The following TMEM163 variants were observed in gnomAD, a reference collection of about 807,000 sequenced individuals.
The protein encoded by TMEM163 is transmembrane protein 163.
Under a neutral mutation model 29.3 loss-of-function variants are expected in TMEM163, and 17 were observed. The ratio of observed to expected loss-of-function variants is 0.58; its 90% CI spans 0.40 to 0.87. The LOEUF is 0.87. TMEM163 is among the 40% of genes least tolerant of loss of function. TMEM163 has a pLI of 0.00. For synonymous variants in TMEM163, 157 were observed against 160.6 expected (o/e 0.98, Z 0.17); for missense variants, 303 against 381.5 (o/e 0.79, Z 1.71).
intron 2 of TMEM163, among the ~76,000 whole-genome samples, chr2:134,658,285 G>A (rs1683666528): frequency 6.6e-6 from 1 of 152,130 alleles, no homozygotes; most frequent in African/African-American, 2.4e-5. Context: ...ACAGCTCAAA[G>A]GTCACAAAAA....
intron 4 of TMEM163, among the ~76,000 whole-genome samples, chr2:134,519,794 G>T (rs1281427638): frequency 2.0e-5 from 3 of 151,502 alleles, no homozygotes; most frequent in African/African-American, 7.3e-5. Context: ...AGACGCTGAG[G>T]CAGGAGAATC....
At chr2:134,653,867 T>C (rs1683539194) in intron 2 of TMEM163, among the ~76,000 whole-genome samples, 1 of 126,218 alleles carries the variant, frequency 7.9e-6, no homozygotes, top group Non-Finnish European at 1.6e-5. Context: ...TTGAGTGAGA[T>C]TCTTAATCCT....
chr2:134,501,999 C>T (rs1679705771), intron 5 of TMEM163, among the ~76,000 whole-genome samples: 1 of 152,158 alleles, frequency 6.6e-6, no homozygotes, highest in Non-Finnish European at 1.5e-5. Flanking sequence ...CTACTAAATG[C>T]AGGAGAATGT....
intron 2 of TMEM163, among the ~76,000 whole-genome samples, chr2:134,569,095 C>A (rs1480251998): frequency 1.3e-5 from 2 of 152,126 alleles, no homozygotes; most frequent in Non-Finnish European, 2.9e-5. Context: ...AACAATTTCC[C>A]AGTGATATTG....
intron 2 of TMEM163, among the ~76,000 whole-genome samples, chr2:134,570,331 T>A (rs1681391271): frequency 6.6e-6 from 1 of 152,054 alleles, no homozygotes; most frequent in Non-Finnish European, 1.5e-5. Context: ...GGAAAAGGCA[T>A]TAATTTGTGG....
intron 5 of TMEM163, chr2:134,467,456 C>T (rs938163282): frequency 3.3e-5 from 5 of 152,204 alleles, no homozygotes; most frequent in African/African-American, 7.2e-5. Context: ...GCCCCTGATA[C>T]GATGTGACAA....
At chr2:134,538,555 A>G (rs1227739952) in intron 4 of TMEM163, among the ~76,000 whole-genome samples, 2 of 152,242 alleles carry the variant, frequency 1.3e-5, no homozygotes, top group Non-Finnish European at 2.9e-5. Flanking sequence ...CGGAAACAAC[A>G]CAAATGCCCA....
At chr2:134,545,577 A>G (rs1680762161) in intron 4 of TMEM163, among the ~76,000 whole-genome samples, 1 of 151,682 alleles carries the variant, frequency 6.6e-6, no homozygotes. Flanking sequence ...CCTTCCCTGC[A>G]CTCACTGACG....
At position 134,524,863 on chromosome 2, in the gene TMEM163, C is replaced by A. The variant is rs1484202985; in HGVS notation, c.459-21866G>T. On this transcript the variant is annotated intron_variant, in intron 4 of 7. Transcript: ENST00000281924. The stretch of plus-strand genomic sequence containing the variant: ...ATGTATGTTTATAATAGAATGATTT[C>A]TATTTCTTTGGGTATATACCCAGTA... 1.1e-4 allele frequency among the ~76,000 whole-genome samples: 16 copies of A among 150,270 alleles called. 2 individuals are homozygous for A. The highest frequency in any genetic ancestry group is 3.4e-4 in the African/African-American group (14 of 40,928).
intron 2 of TMEM163, among the ~76,000 whole-genome samples, chr2:134,707,919 G>C (rs1211195531): frequency 7.1e-6 from 1 of 140,044 alleles, no homozygotes; most frequent in African/African-American, 2.7e-5. Flanking sequence ...TTTTTTTTGA[G>C]ACATAGTCTC....
At chr2:134,550,279 G>A (rs890420776) in intron 4 of TMEM163, among the ~76,000 whole-genome samples, 3 of 152,134 alleles carry the variant, frequency 2.0e-5, no homozygotes, top group African/African-American at 4.8e-5. Flanking sequence ...CAAAGATTCC[G>A]ATAAGAAAAA....
intron 2 of TMEM163, among the ~76,000 whole-genome samples, chr2:134,602,401 G>A (rs895465646): frequency 6.6e-6 from 1 of 152,106 alleles, no homozygotes; most frequent in Non-Finnish European, 1.5e-5. Flanking sequence ...TAAGATGGTG[G>A]CATCATAAGG....
intron 3 of TMEM163, among the ~76,000 whole-genome samples, chr2:134,551,449 C>T (rs764164099): frequency 2.1e-4 from 32 of 152,222 alleles, no homozygotes; most frequent in Admixed American, 7.2e-4. Flanking sequence ...TAAAGCTACG[C>T]GGCGGGGGTT....
At chr2:134,681,283 C>T (rs368559177) in intron 2 of TMEM163, among the ~76,000 whole-genome samples, 2 of 152,144 alleles carry the variant, frequency 1.3e-5, no homozygotes, top group African/African-American at 2.4e-5. Context: ...TTGGTGACCC[C>T]GATGGGTACT....
intron 4 of TMEM163, among the ~76,000 whole-genome samples, chr2:134,512,693 C>T (rs1174857198): frequency 6.6e-6 from 1 of 152,146 alleles, no homozygotes; most frequent in Non-Finnish European, 1.5e-5. Flanking sequence ...GAGATGGAAC[C>T]CTCTTAACTC....
chr2:134,558,325 C>T (rs1374095254), intron 2 of TMEM163, among the ~76,000 whole-genome samples: 1 of 152,134 alleles, frequency 6.6e-6, no homozygotes, highest in Non-Finnish European at 1.5e-5. Flanking sequence ...CAGGATGCTG[C>T]GTGTCACACA....
At chr2:134,704,506 C>T (rs1574352745) in intron 2 of TMEM163, among the ~76,000 whole-genome samples, 1 of 152,290 alleles carries the variant, frequency 6.6e-6, no homozygotes, top group East Asian at 1.9e-4. Context: ...AACAACACTG[C>T]AGTTCAACCT....
At chr2:134,521,916 C>T (rs747872205) in intron 4 of TMEM163, among the ~76,000 whole-genome samples, 7 of 152,148 alleles carry the variant, frequency 4.6e-5, no homozygotes, top group Non-Finnish European at 8.8e-5. Flanking sequence ...TTTAAGCAGT[C>T]GAGGAAGACC....
At chr2:134,705,602 C>T (rs928860091) in intron 2 of TMEM163, among the ~76,000 whole-genome samples, 2 of 152,172 alleles carry the variant, frequency 1.3e-5, no homozygotes, top group African/African-American at 2.4e-5. Context: ...CTTCCTACCC[C>T]GGCTTCCTCT....
Sources: allele counts gnomAD v4.1 joint callset (sites outside exome capture counted in the v4.1 genomes callset), GRCh38; gene constraint gnomAD v4.1.1; transcripts MANE v1.5; gene names NCBI Gene and HGNC (gene_info 2026-07-23, HGNC 2026-07-21).